Variants in CNTN4 observed in about 807,000 individuals in gnomAD.
CNTN4 encodes contactin 4, also known as contactin-4.
Under a neutral mutation model 122.5 loss-of-function variants are expected in CNTN4, and 77 were observed. The ratio of observed to expected loss-of-function variants is 0.63; its 90% CI spans 0.52 to 0.76. The LOEUF is 0.76. Ranked by LOEUF, CNTN4 falls within the 30% of genes least tolerant of loss-of-function variation. The probability of loss-of-function intolerance (pLI) is 0.00; values close to 1 mark genes in which losing one functional copy is unlikely to be tolerated. For synonymous variants in CNTN4, 512 were observed against 447.0 expected (o/e 1.15, Z -1.83); for missense variants, 1,256 against 1,259.1 (o/e 1.00, Z 0.04).
chr3:2,874,671 T>C (rs2093823681), intron 8 of CNTN4, among the ~76,000 whole-genome samples: 1 of 152,180 alleles, frequency 6.6e-6, no homozygotes, highest in Admixed American at 6.6e-5. Context: ...AAGAACTACC[T>C]TGGAGCAGTG....
At chr3:2,447,549 A>G (rs1284199096) in intron 3 of CNTN4, among the ~76,000 whole-genome samples, 1 of 152,048 alleles carries the variant, frequency 6.6e-6, no homozygotes, top group Non-Finnish European at 1.5e-5. Context: ...CATAAGAGCA[A>G]TTTCTTTTTC....
At chr3:2,845,616 A>G (rs927426069) in intron 7 of CNTN4, among the ~76,000 whole-genome samples, 2 of 152,192 alleles carry the variant, frequency 1.3e-5, no homozygotes, top group African/African-American at 4.8e-5. Context: ...ACATGGTTTG[A>G]AAACAGTTTT....
At chr3:2,287,688 GAAGA>G (rs2041970965) in intron 2 of CNTN4, among the ~76,000 whole-genome samples, 5 of 89,998 alleles carry the variant, frequency 5.6e-5, no homozygotes, top group African/African-American at 8.4e-5. Flanking sequence ...AGAAGAAGAA[GAAGA>G]GGAAGAAGAA....
intron 4 of CNTN4, among the ~76,000 whole-genome samples, chr3:2,690,282 C>G (rs1006350431): frequency 4.6e-5 from 7 of 152,104 alleles, no homozygotes; most frequent in Non-Finnish European, 8.8e-5. Context: ...GTACATGCAT[C>G]CTTCCCCACG....
At chr3:2,908,146 T>C (rs2094258313) in intron 12 of CNTN4, among the ~76,000 whole-genome samples, 1 of 152,226 alleles carries the variant, frequency 6.6e-6, no homozygotes, top group South Asian at 2.1e-4. Context: ...CCCCCACTCA[T>C]GAAGGTGTAT....
intron 12 of CNTN4, among the ~76,000 whole-genome samples, chr3:2,903,517 C>G (rs1432440060): frequency 6.6e-6 from 1 of 152,190 alleles, no homozygotes; most frequent in African/African-American, 2.4e-5. Flanking sequence ...GTTCTGCATA[C>G]TCACCATCCT....
At chr3:2,278,852 G>A (rs1414239579) in intron 2 of CNTN4, among the ~76,000 whole-genome samples, 1 of 150,118 alleles carries the variant, frequency 6.7e-6, no homozygotes, top group East Asian at 1.9e-4. Flanking sequence ...AGCCCTAGAT[G>A]GATGATTGTC....
intron 4 of CNTN4, among the ~76,000 whole-genome samples, chr3:2,712,459 A>T (rs913927340): frequency 6.6e-6 from 1 of 152,324 alleles, no homozygotes; most frequent in East Asian, 1.9e-4. Flanking sequence ...CATGATTAAG[A>T]TCCCTGTAAC....
intron 3 of CNTN4, among the ~76,000 whole-genome samples, chr3:2,470,948 C>A (rs1343521348): frequency 6.6e-6 from 1 of 152,196 alleles, no homozygotes; most frequent in Non-Finnish European, 1.5e-5. Context: ...CCTTAAGATG[C>A]TGTCACATTT....
At chr3:2,289,640 T>C (rs1198831458) in intron 2 of CNTN4, among the ~76,000 whole-genome samples, 1 of 152,190 alleles carries the variant, frequency 6.6e-6, no homozygotes. Context: ...TTGGGATTTT[T>C]TTTTACTTTG....
At chr3:2,699,684 A>T (rs1028778086) in intron 4 of CNTN4, among the ~76,000 whole-genome samples, 3 of 152,074 alleles carry the variant, frequency 2.0e-5, no homozygotes, top group Non-Finnish European at 2.9e-5. Flanking sequence ...CTGGGTTTGG[A>T]CCAGTTTGGA....
At chr3:2,471,791 A>T (rs2075693486) in intron 3 of CNTN4, among the ~76,000 whole-genome samples, 1 of 152,210 alleles carries the variant, frequency 6.6e-6, no homozygotes, top group African/African-American at 2.4e-5. Context: ...TGAACTTTTC[A>T]TTAACCTTGC....
In CNTN4 at chr3:2,580,033, T is replaced by TTG. The variant is rs1461712289; in HGVS notation, c.55+8477_55+8478dup. Among the ~76,000 whole-genome samples the TTG allele has an allele frequency of 1.0e-3, 65 of 62,642 alleles. 1 individual carries two copies. The East Asian group carries it at 0.017, about 16-fold the overall frequency. The allele number at this position is 62,642 out of a possible 152,430, so 41.1% of individuals were successfully genotyped here. ...GAACAAATACCTAAATTGGTTAAGC[T>TTG]TGTATGTGTGTGTGTGTGTGTGTGT... is the stretch of plus-strand genomic sequence containing the variant. On this transcript the variant is annotated intron_variant, in intron 4 of 24. Transcript: ENST00000418658.
At chr3:2,512,580 T>C (rs541811932) in intron 3 of CNTN4, among the ~76,000 whole-genome samples, 119 of 152,358 alleles carry the variant, frequency 7.8e-4, no homozygotes, top group African/African-American at 2.8e-3. Flanking sequence ...TGTGGATTTT[T>C]CTGTTTCCCT....
intron 4 of CNTN4, among the ~76,000 whole-genome samples, chr3:2,572,887 G>T (rs1289445123): frequency 1.3e-5 from 2 of 152,168 alleles, no homozygotes; most frequent in African/African-American, 4.8e-5. Context: ...AATAATGGTA[G>T]TACTGACATG....
chr3:2,780,482 G>T (rs532102650), intron 6 of CNTN4, among the ~76,000 whole-genome samples: 1 of 152,274 alleles, frequency 6.6e-6, no homozygotes, highest in East Asian at 1.9e-4. Flanking sequence ...AAGAATAAAA[G>T]ACTATATATT....
In CNTN4 at chr3:2,137,609, T is replaced by TTTATGAAC. The variant is rs554584830; in HGVS notation, c.-145+36971_-145+36978dup. On this transcript the variant is annotated intron_variant, in intron 2 of 24. Coordinates refer to ENST00000418658, the MANE Select transcript of CNTN4 (RefSeq NM_175607.3). The stretch of plus-strand genomic sequence containing the variant: ...TATGTAACTTTATCACATTGGAAAG[T>TTTATGAAC]TTATGAACCTTGTGTAGAAAAAAGA... 2.6e-3 allele frequency among the ~76,000 whole-genome samples: 397 copies of TTTATGAAC among 152,288 alleles called. 3 individuals carry two copies. The highest frequency in any genetic ancestry group is 9.0e-3 in the African/African-American group (372 of 41,560).
At chr3:3,007,037 T>C (rs1222136751) in intron 14 of CNTN4, among the ~76,000 whole-genome samples, 1 of 152,052 alleles carries the variant, frequency 6.6e-6, no homozygotes, top group Non-Finnish European at 1.5e-5. Flanking sequence ...ACATACCAAA[T>C]CCCAGCAGTG....
intron 3 of CNTN4, among the ~76,000 whole-genome samples, chr3:2,497,811 G>T (rs1239871626): frequency 6.6e-6 from 1 of 151,948 alleles, no homozygotes; most frequent in Non-Finnish European, 1.5e-5. Context: ...TTACTTATCT[G>T]TTATCTTTCT....
Sources: gnomAD v4.1 joint callset for allele counts (sites outside exome capture counted in the v4.1 genomes callset) on GRCh38, gnomAD v4.1.1 for gene constraint, MANE v1.5 for transcripts, NCBI Gene and HGNC (gene_info 2026-07-23, HGNC 2026-07-21) for gene names.